ZNF804B: variants seen among roughly 807,000 people sequenced by gnomAD.
ZNF804B encodes zinc finger protein 804B, also known as zinc finger 804B.
Under a neutral mutation model 101.4 loss-of-function variants are expected in ZNF804B, and 80 were observed. The ratio of observed to expected loss-of-function variants is 0.79; its 90% CI spans 0.66 to 0.95. The LOEUF (loss-of-function observed/expected upper bound fraction) is 0.95, where lower values mean the gene tolerates loss of function less well. Among genes scored for constraint, ZNF804B ranks in the 40% least tolerant of loss-of-function variants. The pLI is 0.00. For missense variants in ZNF804B, 1,673 were observed against 1,561.9 expected, an observed-to-expected ratio of 1.07 and a Z score of -1.20; for synonymous variants, 622 against 558.8, an observed-to-expected ratio of 1.11 and a Z score of -1.59.
chr7:89,266,266 T>C (rs1789794467), intron 2 of ZNF804B, among the ~76,000 whole-genome samples: 1 of 152,140 alleles, frequency 6.6e-6, no homozygotes, highest in South Asian at 2.1e-4. Context: ...TTACTTATTT[T>C]TTCTCTTTTC....
At chr7:89,152,270 T>C (rs1790890139) in intron 1 of ZNF804B, among the ~76,000 whole-genome samples, 1 of 151,842 alleles carries the variant, frequency 6.6e-6, no homozygotes, top group African/African-American at 2.4e-5. Context: ...TTTTTGTATT[T>C]GTATACATTT....
chr7:88,965,005 G>C (rs1024893079), intron 1 of ZNF804B, among the ~76,000 whole-genome samples: 3 of 151,380 alleles, frequency 2.0e-5, no homozygotes, highest in Non-Finnish European at 4.4e-5. Context: ...GGGTATGAGG[G>C]TTTATAACAT....
chr7:88,818,855 CT>C (rs1310891856), intron 1 of ZNF804B, among the ~76,000 whole-genome samples: 1 of 152,144 alleles, frequency 6.6e-6, no homozygotes, highest in African/African-American at 2.4e-5. Context: ...ACTCAATGAA[CT>C]GTCAGGTCTA....
intron 1 of ZNF804B, among the ~76,000 whole-genome samples, chr7:88,762,428 G>GGACC (rs1219273996): frequency 3.3e-5 from 5 of 152,154 alleles, no homozygotes; most frequent in African/African-American, 1.2e-4. Flanking sequence ...CTAAGGTGAA[G>GGACC]TGGATCACTA....
At chr7:89,327,603 T>C (rs932864553) in intron 3 of ZNF804B, 129 bp downstream of exon 3, 2 of 1,193,572 alleles carry the variant, frequency 1.7e-6, no homozygotes, top group South Asian at 1.6e-5. Context: ...AGGGCAAATA[T>C]AGTTAAACAT....
intron 1 of ZNF804B, among the ~76,000 whole-genome samples, chr7:89,137,060 A>T (rs185697253): frequency 6.6e-6 from 1 of 152,144 alleles, no homozygotes; most frequent in Non-Finnish European, 1.5e-5. Context: ...TATAAGTCCA[A>T]TTAAACCTCT....
chr7:88,933,939 A>C (rs114574731), intron 1 of ZNF804B, among the ~76,000 whole-genome samples: 6 of 151,326 alleles, frequency 4.0e-5, no homozygotes, highest in African/African-American at 7.3e-5. Context: ...ACCAAAAAAA[A>C]AAAAAAAGCC....
At chr7:88,932,476 T>C (rs1792901447) in intron 1 of ZNF804B, among the ~76,000 whole-genome samples, 1 of 151,666 alleles carries the variant, frequency 6.6e-6, no homozygotes, top group Admixed American at 6.6e-5. Flanking sequence ...TTTGAAAAGA[T>C]AAACAAAATT....
intron 1 of ZNF804B, among the ~76,000 whole-genome samples, chr7:88,917,366 G>A (rs952367776): frequency 5.3e-5 from 8 of 152,172 alleles, no homozygotes; most frequent in Non-Finnish European, 1.2e-4. Context: ...AAAATGTTAA[G>A]ATTTTTGTCA....
chr7:89,084,006 G>A (rs1360705699), intron 1 of ZNF804B, among the ~76,000 whole-genome samples: 1 of 151,858 alleles, frequency 6.6e-6, no homozygotes, highest in Non-Finnish European at 1.5e-5. Context: ...CAGAAGCTGG[G>A]GATAGATGGA....
intron 1 of ZNF804B, among the ~76,000 whole-genome samples, chr7:88,923,831 A>G (rs1028429295): frequency 2.6e-5 from 4 of 151,830 alleles, no homozygotes; most frequent in Non-Finnish European, 5.9e-5. Context: ...ATAAGGTCAT[A>G]GTAGATAAGT....
At position 89,338,160 on chromosome 7, in the gene ZNF804B, A is replaced by G. The variant is rs550294764; in HGVS notation, c.*1128A>G. On this transcript the variant is annotated 3_prime_UTR_variant, in exon 4 of 4. Coordinates refer to ENST00000333190, the MANE Select transcript of ZNF804B (RefSeq NM_181646.5). ...GCATAATCCTACAGTTAGGTTTATT[A>G]TTTTATGTTCTTAAGCATGAGTTTC... Among the ~76,000 whole-genome samples, 3 of 152,048 alleles carry G rather than the reference A, an allele frequency of 2.0e-5. No homozygotes were observed. The highest frequency in any genetic ancestry group is 4.4e-5 in the Non-Finnish European group (3 of 67,940).
At chr7:88,852,138 A>G (rs1330983370) in intron 1 of ZNF804B, among the ~76,000 whole-genome samples, 3 of 152,122 alleles carry the variant, frequency 2.0e-5, no homozygotes, top group South Asian at 2.1e-4. Flanking sequence ...TAAAAACACA[A>G]TTCAGCATCT....
At chr7:89,042,712 C>T (rs998398209) in intron 1 of ZNF804B, among the ~76,000 whole-genome samples, 9 of 152,238 alleles carry the variant, frequency 5.9e-5, no homozygotes, top group Non-Finnish European at 1.2e-4. Flanking sequence ...GTGTTTTACT[C>T]CTTGAATTCT....
intron 1 of ZNF804B, among the ~76,000 whole-genome samples, chr7:89,198,525 T>G (rs1251808674): frequency 6.6e-6 from 1 of 151,886 alleles, no homozygotes; most frequent in Non-Finnish European, 1.5e-5. Context: ...TTATACTAAA[T>G]AAAAAATAAT....
chr7:88,831,233 T>C (rs1241282561), intron 1 of ZNF804B, among the ~76,000 whole-genome samples: 1 of 151,882 alleles, frequency 6.6e-6, no homozygotes, highest in African/African-American at 2.4e-5. Flanking sequence ...CTTCCCAAAT[T>C]TTCCAACTTT....
At chr7:89,002,161 G>T (rs114502538) in intron 1 of ZNF804B, among the ~76,000 whole-genome samples, 2,660 of 151,466 alleles carry the variant, frequency 0.018, 81 homozygotes, top group African/African-American at 0.061. Flanking sequence ...CTAATAAAAA[G>T]TACAAATACA....
chr7:89,093,787 A>G (rs1222512018), intron 1 of ZNF804B, among the ~76,000 whole-genome samples: 1 of 152,252 alleles, frequency 6.6e-6, no homozygotes, highest in African/African-American at 2.4e-5. Flanking sequence ...AGGTATAGAA[A>G]GGTCCAATTA....
chr7:88,985,856 A>G (rs1793752836), intron 1 of ZNF804B, among the ~76,000 whole-genome samples: 1 of 152,106 alleles, frequency 6.6e-6, no homozygotes, highest in Admixed American at 6.6e-5. Context: ...GTACTTGCCA[A>G]GATTAACTGA....
Sources: gnomAD v4.1 joint callset for allele counts (sites outside exome capture counted in the v4.1 genomes callset) on GRCh38, gnomAD v4.1.1 for gene constraint, MANE v1.5 for transcripts, NCBI Gene and HGNC (gene_info 2026-07-23, HGNC 2026-07-21) for gene names.